The following SLC12A5 variants were observed in gnomAD, a reference collection of about 807,000 sequenced individuals.
SLC12A5 encodes solute carrier family 12 member 5, also known as K-Cl cotransporter 2.
Under a neutral mutation model 124.0 loss-of-function variants are expected in SLC12A5, and 18 were observed. The ratio of observed to expected loss-of-function variants is 0.15; its 90% confidence interval spans 0.10 to 0.22. SLC12A5 has a LOEUF of 0.22. Among genes scored for constraint, SLC12A5 ranks in the 10% least tolerant of loss-of-function variants. SLC12A5 has a pLI of 1.00. For synonymous variants in SLC12A5, 589 were observed against 568.0 expected (o/e 1.04, Z -0.53); for missense variants, 867 against 1,478.7 (o/e 0.59, Z 6.78).
intron 18 of SLC12A5, 87 bp from the exon 19 acceptor site, chr20:46,052,870 T>C: frequency 2.8e-6 from 4 of 1,434,074 alleles, no homozygotes; most frequent in Non-Finnish European, 3.7e-6. Context: ...GAGTGCTGGC[T>C]GCCAGGAGCC....
At chr20:46,024,141 C>CTGTGTGTGTGTGTG (rs3222615), downstream of SLC12A5, among the ~76,000 whole-genome samples, 332 of 147,742 alleles carry the variant, frequency 2.2e-3, 1 homozygote, top group Admixed American at 2.8e-3. Flanking sequence ...GTGGCAGAGG[C>CTGTGTGTGTGTGTG]TGTGTGTGTG....
At chr20:46,037,113 C>T in intron 5 of SLC12A5, 142 bp from the exon 6 acceptor site, 1 of 1,274,120 alleles carries the variant, frequency 7.8e-7, no homozygotes, top group Middle Eastern at 2.8e-4. Context: ...GGGTCTCTCA[C>T]CAGTCCCCTT....
At chr20:46,042,010 C>A (rs1016673132) in intron 8 of SLC12A5, among the ~76,000 whole-genome samples, 1 of 152,110 alleles carries the variant, frequency 6.6e-6, no homozygotes, top group Non-Finnish European at 1.5e-5. Flanking sequence ...AATGAAAGAT[C>A]TTCAATTCTA....
rs16985440 is a variant in SLC12A5 at position 46,042,974 on chromosome 20, A to G, written c.1067-179A>G. On this transcript the variant is annotated intron_variant, in intron 8 of 25. Transcript: ENST00000243964. ...TGATTAGTCTGTGAAAGGTCTGTAC[A>G]TAGCCTGGCCCAAATCAGGAGCTTA... 4.8e-3 allele frequency among the ~76,000 whole-genome samples: 732 copies of G among 152,286 alleles called. 3 individuals carry two copies. Among genetic ancestry groups the G allele is most frequent in the African/African-American group, 0.017 (694 of 41,550 alleles).
At chr20:46,050,990 G>T (rs983933895) in intron 17 of SLC12A5, among the ~76,000 whole-genome samples, 2 of 152,134 alleles carry the variant, frequency 1.3e-5, no homozygotes, top group African/African-American at 4.8e-5. Flanking sequence ...CTCACCCAAG[G>T]TCACACAGCC....
At position 46,055,992 on chromosome 20, in the gene SLC12A5, T is replaced by A. The variant is rs938665422; in HGVS notation, c.2788-158T>A. 1.3e-5 allele frequency: 13 copies of A among 991,976 alleles called. No homozygotes were observed. In the African/African-American group the frequency reaches 1.5e-4, roughly 11 times the overall value. The allele number at this position is 991,976 out of a possible 1,614,324, so 61.4% of individuals were successfully genotyped here. A position where few individuals can be genotyped will look rare whatever the true frequency, so the allele number is the denominator to read the frequency against. On this transcript the variant is annotated intron_variant, in intron 21 of 25. Transcript: ENST00000243964. ...GGAGGTGGGGCAGGCAGATCAGTGG[T>A]GCAGTAGCTATTTGGTCTCAAATCA...
chr20:46,036,874 A>G, intron 5 of SLC12A5, 79 bp downstream of exon 5: 1 of 1,543,860 alleles, frequency 6.5e-7, no homozygotes, highest in Admixed American at 1.7e-5. Context: ...GGGGGACATC[A>G]AGGCCCAAGA....
chr20:46,029,503 C>A (rs2084426547), intron 1 of SLC12A5, 107 bp downstream of exon 1: 4 of 1,250,664 alleles, frequency 3.2e-6, no homozygotes, highest in East Asian at 2.7e-5. Context: ...GAGGCTGGGA[C>A]TGACCCGGGC....
intron 3 of SLC12A5, 39 bp downstream of exon 3, chr20:46,035,574 C>A (rs2868365): frequency 5.9e-6 from 3 of 512,084 alleles, no homozygotes; most frequent in Non-Finnish European, 3.2e-6. Context: ...AGAAAAGGGA[C>A]GGATGGGGGG....
At chr20:46,043,446 CT>C in intron 9 of SLC12A5, 123 bp downstream of exon 9, 3 of 1,328,640 alleles carry the variant, frequency 2.3e-6, no homozygotes, top group Non-Finnish European at 3.1e-6. Context: ...TAACATTTCA[CT>C]TCCCATTGGA....
intron 1 of SLC12A5, among the ~76,000 whole-genome samples, chr20:46,029,974 C>T (rs1333624698): frequency 6.6e-6 from 1 of 151,350 alleles, no homozygotes. Context: ...AGCCCCCCGT[C>T]CGGGCTGTGG....
intron 16 of SLC12A5, 137 bp from the exon 17 acceptor site, chr20:46,049,485 A>G (rs1448865667): frequency 7.4e-6 from 8 of 1,077,440 alleles, no homozygotes; most frequent in Non-Finnish European, 1.1e-5. Flanking sequence ...AGATGAATGG[A>G]TGGGTGGTGA....
intron 21 of SLC12A5, among the ~76,000 whole-genome samples, chr20:46,055,514 T>C (rs912698223): frequency 9.9e-5 from 15 of 151,940 alleles, no homozygotes; most frequent in Admixed American, 3.9e-4. Flanking sequence ...GGGTGTAAGA[T>C]CTTCTAGGTG....
At chr20:46,022,197 A>T in intron 1 of SLC12A5, 1 of 276,454 alleles carries the variant, frequency 3.6e-6, no homozygotes, top group Non-Finnish European at 6.8e-6. Flanking sequence ...GTCAAGGTGG[A>T]GAGTAGGCCG....
Position 46,036,756 on chromosome 20 carries a change from A to G in SLC12A5, c.442A>G (p.Ile148Val). 3.7e-6 allele frequency: 6 copies of G among 1,613,900 alleles called. No individual in the cohort carries two copies. Among genetic ancestry groups the G allele is most frequent in the Non-Finnish European group, 5.1e-6 (6 of 1,179,922 alleles). ...TTCCTCACAGACGATGCTCACGGCC[A>G]TCTCCATGAGTGCAATTGCAACGAA... ...ICCSCTMLTA[I>V]SMSAIATNGV... The change falls in exon 5 of 26, where the codon ATC becomes GTC. Residue 148 changes from isoleucine (I) to valine (V), a missense_variant. Ile to Val is a conservative substitution (Grantham distance 29, BLOSUM62 3). Coordinates refer to ENST00000243964, the MANE Select transcript of SLC12A5 (RefSeq NM_020708.5).
chr20:46,038,792 A>G (rs965734550), intron 6 of SLC12A5, among the ~76,000 whole-genome samples: 2 of 152,216 alleles, frequency 1.3e-5, no homozygotes. Flanking sequence ...TGATACATTT[A>G]CGTGTCCTCT....
At chr20:46,037,226 C>T (rs2084506477) in intron 5 of SLC12A5, 29 bp from the exon 6 acceptor site, 1 of 1,575,648 alleles carries the variant, frequency 6.3e-7, no homozygotes, top group Non-Finnish European at 8.6e-7. Context: ...GCCCCCGACC[C>T]TCTCGCTGAT....
Position 46,057,392 on chromosome 20 carries a change from C to T in SLC12A5, c.3259+89C>T, listed in dbSNP as rs1308087866. 1 of 1,608,416 alleles carries T rather than the reference C, an allele frequency of 6.2e-7. No homozygotes were observed. On this transcript the variant is annotated intron_variant, in intron 25 of 25. Transcript: ENST00000243964. The surrounding 1 kb of genome is among the most constrained non-coding windows in gnomAD (Gnocchi z 7.1). Reference sequence around the variant, plus strand: ...CTGGGATGGAAGAGCTGAGCTGTTCCTGCCTCCGGATCAGCACCTCGGACA... The same window carrying T: ...CTGGGATGGAAGAGCTGAGCTGTTCTTGCCTCCGGATCAGCACCTCGGACA...
Position 46,058,912 on chromosome 20 carries a change from C to T in SLC12A5, c.*1307C>T. 2.5e-6 allele frequency: 1 copy of T among 395,968 alleles called. No homozygotes were observed. The highest frequency in any genetic ancestry group is 3.6e-5 in the East Asian group (1 of 27,962). The allele number at this position is 395,968 out of a possible 1,614,324, so 24.5% of individuals were successfully genotyped here. ...GCTGCTTAGCAGCGGCCTCTAGCTC[C>T]GTCTCCCGGGGACCTGGGCCTGAGG... On this transcript the variant is annotated 3_prime_UTR_variant, in exon 26 of 26. Transcript: ENST00000243964. This position sits in a 1 kb window ranked among gnomAD's most constrained non-coding sequence, Gnocchi z 5.8.
Sources: gnomAD v4.1 joint callset for allele counts (sites outside exome capture counted in the v4.1 genomes callset) on GRCh38, gnomAD v4.1.1 for gene constraint, Gnocchi (gnomAD v3.1) non-coding constraint, MANE v1.5 for transcripts, NCBI Gene and HGNC (gene_info 2026-07-23, HGNC 2026-07-21) for gene names.